USP43: variants seen among roughly 807,000 people sequenced by gnomAD.
The protein encoded by USP43 is ubiquitin carboxyl-terminal hydrolase 43.
USP43 carries 33 observed loss-of-function variants against 90.7 expected under a neutral mutation model. The observed-to-expected ratio is 0.36, with a 90% CI of 0.28 to 0.49. The LOEUF (loss-of-function observed/expected upper bound fraction) is 0.49, where lower values mean the gene tolerates loss of function less well. Among genes scored for constraint, USP43 ranks in the 20% least tolerant of loss-of-function variants. The pLI is 0.98. For missense variants in USP43, 1,274 were observed against 1,476.4 expected, an observed-to-expected ratio of 0.86 and a Z score of 2.25; for synonymous variants, 598 against 615.8, an observed-to-expected ratio of 0.97 and a Z score of 0.43.
At chr17:9,683,375 A>C (rs1165469135) in intron 7 of USP43, among the ~76,000 whole-genome samples, 1 of 150,606 alleles carries the variant, frequency 6.6e-6, no homozygotes, top group Non-Finnish European at 1.5e-5. Context: ...ATATACAAAA[A>C]CAGATAGCTT....
chr17:9,692,229 G>A lies in USP43; in HGVS notation c.1354-898G>A, dbSNP rs1268375877. Among the ~76,000 whole-genome samples, 25 of 151,814 alleles carry A rather than the reference G, an allele frequency of 1.6e-4. 1 individual carries two copies. The highest frequency in any genetic ancestry group is 1.8e-4 in the Non-Finnish European group (12 of 67,972). ...CAAAAATTAGCCAGGTGTGGTGGCA[G>A]GCACCTGTAATTCCAGCTACTCAGG... On this transcript the variant is annotated intron_variant, in intron 8 of 14. Transcript: ENST00000285199.
intron 4 of USP43, among the ~76,000 whole-genome samples, chr17:9,675,413 T>C (rs577275661): frequency 9.9e-5 from 15 of 151,694 alleles, no homozygotes; most frequent in Admixed American, 5.9e-4. Context: ...GGAAAGGGGT[T>C]GTTTGGGGAA....
At chr17:9,711,168 T>C (rs990489393) in intron 13 of USP43, among the ~76,000 whole-genome samples, 7 of 152,168 alleles carry the variant, frequency 4.6e-5, no homozygotes, top group Admixed American at 3.9e-4. Context: ...TAATGCCCAC[T>C]GTAAAAGATT....
chr17:9,712,358 G>C (rs1250789400), intron 14 of USP43, among the ~76,000 whole-genome samples: 1 of 152,094 alleles, frequency 6.6e-6, no homozygotes, highest in Non-Finnish European at 1.5e-5. Flanking sequence ...CCCCCGTGTA[G>C]CTTATTGTCA....
chr17:9,722,424 TCA>T (rs1917009836), intron 14 of USP43, among the ~76,000 whole-genome samples: 1 of 152,208 alleles, frequency 6.6e-6, no homozygotes, highest in Non-Finnish European at 1.5e-5. Context: ...ATTGGAGCCT[TCA>T]GTCCATGCCG....
Position 9,701,976 on chromosome 17 carries a change from C to T in USP43, c.2011+276C>T, listed in dbSNP as rs920847070. ...TCTCCAGGAACCCATAGGCAGGGCA[C>T]GGTAGTGTGGCTGTCTCGCACCATG... is the stretch of plus-strand genomic sequence containing the variant. On this transcript the variant is annotated intron_variant, in intron 12 of 14. Transcript: ENST00000285199. This position sits in a 1 kb window ranked among gnomAD's most constrained non-coding sequence, Gnocchi z 7.2. Among the ~76,000 whole-genome samples the T allele has an allele frequency of 6.6e-5, 10 of 152,138 alleles. No homozygotes were observed. The highest frequency in any genetic ancestry group is 3.9e-4 in the East Asian group (2 of 5,194).
rs34165346 is a variant in USP43, at chr17:9,706,631, ATTTTTTTTTTTT to A, written c.2012-3306_2012-3295del. ...ATGCCATCTGCCCTATCAGATATTA[ATTTTTTTTTTTT>A]TTTTTTTTTTTTTTTTTTGAGACAG... On this transcript the variant is annotated intron_variant, in intron 12 of 14. Coordinates refer to ENST00000285199, the MANE Select transcript of USP43 (RefSeq NM_153210.5). Among the ~76,000 whole-genome samples, 716 of 84,508 alleles carry A rather than the reference ATTTTTTTTTTTT, an allele frequency of 8.5e-3. 10 individuals are homozygous for A. Among genetic ancestry groups the A allele is most frequent in the African/African-American group, 0.03 (609 of 20,194 alleles). The allele number at this position is 84,508 out of a possible 152,430, so 55.4% of individuals were successfully genotyped here.
At position 9,701,723 on chromosome 17, in the gene USP43, G is replaced by A; in HGVS notation, c.2011+23G>A. The A allele has an allele frequency of 2.0e-6, 3 of 1,497,964 alleles. No individual in the cohort carries two copies. In the South Asian group the frequency reaches 4.0e-5, roughly 20 times the overall value. 92.8% of individuals were successfully genotyped at this position (1,497,964 alleles called of 1,614,324 possible). On this transcript the variant is annotated intron_variant, in intron 12 of 14. Transcript: ENST00000285199. The surrounding 1 kb of genome is among the most constrained non-coding windows in gnomAD (Gnocchi z 7.2). Reference sequence around the variant, plus strand: ...CAGGTGAGCCTTGCCTTGCCTTTCTGCAAATGCAGCTGTGGCCACAGCCTC... The same window carrying A: ...CAGGTGAGCCTTGCCTTGCCTTTCTACAAATGCAGCTGTGGCCACAGCCTC...
At chr17:9,651,591 C>T (rs763745246) in intron 1 of USP43, among the ~76,000 whole-genome samples, 3 of 152,124 alleles carry the variant, frequency 2.0e-5, no homozygotes, top group Non-Finnish European at 2.9e-5. Context: ...TGGAAGATTT[C>T]GATTTATTTA....
chr17:9,659,581 T>C (rs905653385), intron 2 of USP43, among the ~76,000 whole-genome samples: 1 of 151,894 alleles, frequency 6.6e-6, no homozygotes, highest in Non-Finnish European at 1.5e-5. Flanking sequence ...AGCCCTCTTA[T>C]CCTGTTTTTT....
chr17:9,646,254 G>A, intron 1 of USP43, 118 bp downstream of exon 1: 4 of 1,273,964 alleles, frequency 3.1e-6, no homozygotes, highest in Non-Finnish European at 4.0e-6. Context: ...GACCAGTTCA[G>A]CCCCGGATTA....
In USP43 at chr17:9,648,927, C is replaced by T. The variant is rs144254181; in HGVS notation, c.504+2791C>T. ...TTTCTCTCTCTCTCTCCCACTCTTT[C>T]TGTCTCTCTCCCTCTCTCTCTCTCT... On this transcript the variant is annotated intron_variant, in intron 1 of 14. Coordinates refer to ENST00000285199, the MANE Select transcript of USP43 (RefSeq NM_153210.5). Among the ~76,000 whole-genome samples the T allele has an allele frequency of 1.6e-3, 239 of 146,110 alleles. 1 individual carries two copies. The highest frequency in any genetic ancestry group is 2.9e-3 in the Non-Finnish European group (196 of 67,232).
chr17:9,687,609 A>G (rs1914668405), intron 8 of USP43, among the ~76,000 whole-genome samples: 1 of 152,164 alleles, frequency 6.6e-6, no homozygotes, highest in South Asian at 2.1e-4. Flanking sequence ...AAGATGTTGA[A>G]ATTTTTAGGG....
intron 1 of USP43, among the ~76,000 whole-genome samples, chr17:9,648,495 G>A (rs1029048583): frequency 1.3e-5 from 2 of 152,210 alleles, no homozygotes; most frequent in Non-Finnish European, 2.9e-5. Flanking sequence ...GATTGGAACA[G>A]AAACATGTTA....
In USP43 at chr17:9,674,788, G is replaced by A; in HGVS notation, c.741-103G>A. The A allele has an allele frequency of 1.1e-6, 1 of 922,122 alleles. No individual in the cohort carries two copies. The highest frequency in any genetic ancestry group is 1.8e-5 in the Admixed American group (1 of 56,738). The allele number at this position is 922,122 out of a possible 1,614,324, so 57.1% of individuals were successfully genotyped here. A position where few individuals can be genotyped will look rare whatever the true frequency, so the allele number is the denominator to read the frequency against. On this transcript the variant is annotated intron_variant, in intron 3 of 14. Transcript: ENST00000285199. This position sits in a 1 kb window ranked among gnomAD's most constrained non-coding sequence, Gnocchi z 4.4. ...TTCTTCTGGGTATGTACCTACGAGT[G>A]GAATCACAGGGAGTGGAAATGCAAG...
intron 3 of USP43, among the ~76,000 whole-genome samples, chr17:9,667,464 G>A (rs1021754227): frequency 6.6e-6 from 1 of 152,130 alleles, no homozygotes; most frequent in Non-Finnish European, 1.5e-5. Context: ...GAAAGTATGT[G>A]TTCTCTTTGA....
chr17:9,681,482 A>T (rs1159580422), intron 6 of USP43, among the ~76,000 whole-genome samples: 2,029 of 28,956 alleles, frequency 0.07, 167 homozygotes, highest in African/African-American at 0.28. Flanking sequence ...ATATATATAT[A>T]TATATATATA....
chr17:9,714,682 C>CAAAAAAAAAAAAA (rs34258688), intron 14 of USP43, among the ~76,000 whole-genome samples: 1 of 69,984 alleles, frequency 1.4e-5, no homozygotes, highest in African/African-American at 5.5e-5. Flanking sequence ...GACTCCATCT[C>CAAAAAAAAAAAAA]AAAAAAAAAA....
At chr17:9,683,807 A>G (rs1429315984) in intron 7 of USP43, among the ~76,000 whole-genome samples, 2 of 152,164 alleles carry the variant, frequency 1.3e-5, no homozygotes, top group Admixed American at 6.6e-5. Flanking sequence ...TAAATAGTCA[A>G]CTTTTTACTC....
Sources: allele counts gnomAD v4.1 joint callset (sites outside exome capture counted in the v4.1 genomes callset), GRCh38; gene constraint gnomAD v4.1.1; non-coding constraint Gnocchi (gnomAD v3.1); transcripts MANE v1.5; gene names NCBI Gene and HGNC (gene_info 2026-07-23, HGNC 2026-07-21).